Variants in ADAT1 observed in about 807,000 individuals in gnomAD.
ADAT1 encodes the protein tRNA-specific adenosine deaminase 1.
ADAT1 carries 58 observed loss-of-function variants against 58.6 expected under a neutral mutation model. The observed-to-expected ratio is 0.99, with a 90% CI of 0.80 to 1.23. ADAT1 has a LOEUF of 1.23. ADAT1 is among the 50% of genes most tolerant of loss of function. ADAT1 has a pLI of 0.00. For missense variants in ADAT1, 741 were observed against 608.6 expected (o/e 1.22, Z -2.29); for synonymous variants, 254 against 220.8 (o/e 1.15, Z -1.33).
rs776900904 is a variant in ADAT1, at chr16:75,622,622, G to A, written c.-241C>T. 6.6e-6 allele frequency: 1 copy of A among 152,140 alleles called. No individual in the cohort carries two copies. The highest frequency in any genetic ancestry group is 1.5e-5 in the Non-Finnish European group (1 of 68,034). The allele number at this position is 152,140 out of a possible 1,614,324, so 9.4% of individuals were successfully genotyped here. A position where few individuals can be genotyped will look rare whatever the true frequency, so the allele number is the denominator to read the frequency against. On this transcript the variant is annotated 5_prime_UTR_variant, in exon 1 of 10. Transcript: ENST00000564657. Reference sequence around the variant, plus strand: ...AATGAGCATGCACAATTGTTTAAATGAATAAATGTTTTGCTACACTGGGTC... The same window carrying A: ...AATGAGCATGCACAATTGTTTAAATAAATAAATGTTTTGCTACACTGGGTC...
At chr16:75,615,124 G>A (rs1449505890) in intron 5 of ADAT1, among the ~76,000 whole-genome samples, 1 of 151,706 alleles carries the variant, frequency 6.6e-6, no homozygotes, top group Non-Finnish European at 1.5e-5. Flanking sequence ...CTACTTGGGA[G>A]GCCAAGGCAG....
intron 6 of ADAT1, among the ~76,000 whole-genome samples, chr16:75,609,243 C>G (rs1282348850): frequency 6.6e-6 from 1 of 152,180 alleles, no homozygotes; most frequent in Non-Finnish European, 1.5e-5. Flanking sequence ...AAACTCCATT[C>G]CTGATATAGG....
At position 75,599,636 on chromosome 16, in the gene ADAT1, G is replaced by C; in HGVS notation, c.*580C>G. 1 of 985,908 alleles carries C rather than the reference G, an allele frequency of 1.0e-6. No individual in the cohort carries two copies. Among genetic ancestry groups the C allele is most frequent in the South Asian group, 4.7e-5 (1 of 21,284 alleles). 61.1% of individuals were successfully genotyped at this position (985,908 alleles called of 1,614,324 possible). On this transcript the variant is annotated 3_prime_UTR_variant, in exon 10 of 10. Coordinates refer to ENST00000564657, the MANE Select transcript of ADAT1 (RefSeq NM_001324445.2). Reference sequence around the variant, plus strand: ...TTACAGCTCCAGATCAAAACAGAAAGCCTTTCCTGATACCTCTGAGAACAA... The same window carrying C: ...TTACAGCTCCAGATCAAAACAGAAACCCTTTCCTGATACCTCTGAGAACAA...
In ADAT1 at chr16:75,603,784, C is replaced by T. The variant is rs542487249; in HGVS notation, c.1290-613G>A. Among the ~76,000 whole-genome samples, 4 of 152,308 alleles carry T rather than the reference C, an allele frequency of 2.6e-5. No individual in the cohort carries two copies. In the East Asian group the frequency reaches 7.7e-4, roughly 29 times the overall value. On this transcript the variant is annotated intron_variant, in intron 8 of 9. Coordinates refer to ENST00000564657, the MANE Select transcript of ADAT1 (RefSeq NM_001324445.2). Reference sequence around the variant, plus strand: ...TTCCCTCATGTATACAATTCATGAGCTGCATCTAGAAATTGGGAAATGCTG... The same window carrying T: ...TTCCCTCATGTATACAATTCATGAGTTGCATCTAGAAATTGGGAAATGCTG...
chr16:75,606,907 A>G (rs1007258402), intron 8 of ADAT1, among the ~76,000 whole-genome samples: 1 of 152,198 alleles, frequency 6.6e-6, no homozygotes, highest in African/African-American at 2.4e-5. Context: ...ATATGTAAGA[A>G]GACCTCAATA....
rs773401097 is a variant in ADAT1, at chr16:75,608,963, T to C, written c.1069A>G (p.Lys357Glu). The C allele has an allele frequency of 3.1e-6, 5 of 1,614,080 alleles. No individual in the cohort carries two copies. In the South Asian group the frequency reaches 3.3e-5, roughly 11 times the overall value. ...GRCQNVSALP[K>E]GFGVQELKIL... ...TTTAATTCTTGAACTCCGAAGCCTT[T>C]TGGTAAAGCAGACACATTCTGACAC... The change falls in exon 7 of 10, where the codon AAA becomes GAA. Residue 357 changes from lysine (K) to glutamate (E), a missense_variant. Transcript: ENST00000564657.
rs2081185575 is a variant in ADAT1, at chr16:75,600,139, A to C, written c.*77T>G. 3 of 1,570,950 alleles carry C rather than the reference A, an allele frequency of 1.9e-6. No homozygotes were observed. In the East Asian group the frequency reaches 6.8e-5, roughly 35 times the overall value. ...GAATGTTCCCTGATTTAACTACCAA[A>C]AAAGCTAAGACTTGTCCTGCGTGGA... On this transcript the variant is annotated 3_prime_UTR_variant, in exon 10 of 10. Coordinates refer to ENST00000564657, the MANE Select transcript of ADAT1 (RefSeq NM_001324445.2).
chr16:75,610,931 A>G (rs567314447), intron 6 of ADAT1, among the ~76,000 whole-genome samples: 1 of 152,276 alleles, frequency 6.6e-6, no homozygotes, highest in South Asian at 2.1e-4. Context: ...GGGTAACCCA[A>G]TAACACCCCG....
chr16:75,616,236 G>T (rs754835946), intron 5 of ADAT1, among the ~76,000 whole-genome samples: 1 of 152,054 alleles, frequency 6.6e-6, no homozygotes, highest in Non-Finnish European at 1.5e-5. Context: ...TGGAACTCTC[G>T]ACCTCAAGTG....
Position 75,597,978 on chromosome 16 carries a change from G to C in ADAT1, c.*2238C>G, listed in dbSNP as rs1365978431. On this transcript the variant is annotated 3_prime_UTR_variant, in exon 10 of 10. Coordinates refer to ENST00000564657, the MANE Select transcript of ADAT1 (RefSeq NM_001324445.2). ...CAGACAAGTAATGGTCTGTGGCTCT[G>C]GGGCTGGGGGCCCCTGCCCTAAAGC... Among the ~76,000 whole-genome samples, 2 of 152,228 alleles carry C rather than the reference G, an allele frequency of 1.3e-5. No individual in the cohort carries two copies. Among genetic ancestry groups the C allele is most frequent in the Non-Finnish European group, 2.9e-5 (2 of 68,038 alleles).
Position 75,618,098 on chromosome 16 carries a change from CAAAAAAAAAAAAAAA to C in ADAT1, c.293+473_293+487del, listed in dbSNP as rs1163510620. 1.8e-4 allele frequency among the ~76,000 whole-genome samples: 6 copies of C among 32,542 alleles called. 1 individual carries two copies. The highest frequency in any genetic ancestry group is 4.3e-4 in the African/African-American group (5 of 11,584). The allele number at this position is 32,542 out of a possible 152,430, so 21.3% of individuals were successfully genotyped here. On this transcript the variant is annotated intron_variant, in intron 4 of 9. Coordinates refer to ENST00000564657, the MANE Select transcript of ADAT1 (RefSeq NM_001324445.2). ...AGGTAACAGAGCAAGACCCTGTGTC[CAAAAAAAAAAAAAAA>C]AAAAAAAAAAAGAGAGAACCACTAG... is the stretch of plus-strand genomic sequence containing the variant.
In ADAT1 at chr16:75,620,618, G is replaced by A; in HGVS notation, c.169+13C>T. On this transcript the variant is annotated intron_variant, in intron 2 of 9. Coordinates refer to ENST00000564657, the MANE Select transcript of ADAT1 (RefSeq NM_001324445.2). The stretch of plus-strand genomic sequence containing the variant: ...CTCACAGTGAGGAGCATGCCAAGAA[G>A]AAAAAGTCTCACCTTGCACCGGCTT... 2 of 1,611,914 alleles carry A rather than the reference G, an allele frequency of 1.2e-6. No individual in the cohort carries two copies. Among genetic ancestry groups the A allele is most frequent in the Non-Finnish European group, 1.7e-6 (2 of 1,179,506 alleles).
intron 4 of ADAT1, 73 bp from the exon 5 acceptor site, chr16:75,617,345 T>C: frequency 1.3e-6 from 2 of 1,534,000 alleles, no homozygotes; most frequent in Non-Finnish European, 1.8e-6. Flanking sequence ...GGTTGGGTGA[T>C]TACTAAGACA....
At chr16:75,614,843 T>C (rs556763270) in intron 5 of ADAT1, among the ~76,000 whole-genome samples, 55 of 152,320 alleles carry the variant, frequency 3.6e-4, no homozygotes, top group African/African-American at 1.3e-3. Flanking sequence ...CATCACATTT[T>C]AAAAGATTAC....
At position 75,598,334 on chromosome 16, in the gene ADAT1, A is replaced by G. The variant is rs1286428852; in HGVS notation, c.*1882T>C. The G allele has an allele frequency of 7.5e-6, 2 of 265,486 alleles. No homozygotes were observed. The highest frequency in any genetic ancestry group is 4.3e-4 in the Middle Eastern group (1 of 2,330). 16.4% of individuals were successfully genotyped at this position (265,486 alleles called of 1,614,324 possible). A position where few individuals can be genotyped will look rare whatever the true frequency, so the allele number is the denominator to read the frequency against. ...CGTGATCTGCCCACCTCGGCCTCCT[A>G]AAGTGTTGGGATTACAGGCGTGAGC... On this transcript the variant is annotated 3_prime_UTR_variant, in exon 10 of 10. Transcript: ENST00000564657.
intron 9 of ADAT1, among the ~76,000 whole-genome samples, chr16:75,601,619 G>T (rs569118190): frequency 1.3e-5 from 2 of 152,142 alleles, no homozygotes; most frequent in Admixed American, 1.3e-4. Flanking sequence ...TTAGCCGGGC[G>T]TGGTGGCGGG....
At chr16:75,617,527 G>T (rs531061657) in intron 4 of ADAT1, among the ~76,000 whole-genome samples, 2 of 152,172 alleles carry the variant, frequency 1.3e-5, no homozygotes, top group East Asian at 3.9e-4. Context: ...CCAGCTACTT[G>T]GGAGACTGAG....
In ADAT1 at chr16:75,597,442, GA is replaced by G; in HGVS notation, c.*2773del. ...TTCAGAGCAGCAGTCCCCAAGGCAC[GA>G]AAAAGTCTTCCTTAGAGCAGCAGTC... On this transcript the variant is annotated 3_prime_UTR_variant, in exon 10 of 10. Transcript: ENST00000564657. The G allele has an allele frequency of 2.3e-6, 1 of 442,670 alleles. No homozygotes were observed. Among genetic ancestry groups the G allele is most frequent in the Non-Finnish European group, 4.5e-6 (1 of 220,654 alleles). 27.4% of individuals were successfully genotyped at this position (442,670 alleles called of 1,614,324 possible). A position where few individuals can be genotyped will look rare whatever the true frequency, so the allele number is the denominator to read the frequency against.
chr16:75,611,287 A>G (rs572049567), intron 6 of ADAT1, among the ~76,000 whole-genome samples: 62 of 152,338 alleles, frequency 4.1e-4, no homozygotes, highest in Admixed American at 7.8e-4. Context: ...TCATCCTCTT[A>G]TAATTTTTCT....
Sources: allele counts gnomAD v4.1 joint callset (sites outside exome capture counted in the v4.1 genomes callset), GRCh38; gene constraint gnomAD v4.1.1; transcripts MANE v1.5; gene names NCBI Gene and HGNC (gene_info 2026-07-23, HGNC 2026-07-21).